Variants in MADD observed in about 807,000 individuals in gnomAD.
MADD encodes MAP kinase activating death domain.
MADD carries 109 observed loss-of-function variants against 176.7 expected under a neutral mutation model. The observed-to-expected ratio is 0.62, with a 90% CI of 0.53 to 0.72. The LOEUF (loss-of-function observed/expected upper bound fraction) is 0.72. MADD is among the 30% of genes least tolerant of loss of function. The pLI, the probability that MADD is intolerant of heterozygous loss-of-function variation, is 0.00. For missense variants in MADD, 1,914 were observed against 2,045.5 expected (o/e 0.94, Z 1.24); for synonymous variants, 771 against 771.3 (o/e 1.00, Z 0.01).
chr11:47,315,148 A>T, intron 26 of MADD, 72 bp from the exon 30 acceptor site: 2 of 842,078 alleles, frequency 2.4e-6, no homozygotes, highest in East Asian at 2.5e-5. Context: ...TGATTGCTGG[A>T]TGGGGAATTC....
At chr11:47,304,321 C>T (rs573218937) in intron 22 of MADD, among the ~76,000 whole-genome samples, 2 of 151,608 alleles carry the variant, frequency 1.3e-5, no homozygotes, top group South Asian at 2.1e-4. Context: ...ACCTCTGACT[C>T]GTGGGTTAAA....
intron 22 of MADD, among the ~76,000 whole-genome samples, chr11:47,305,771 A>G (rs928932978): frequency 6.6e-6 from 1 of 152,162 alleles, no homozygotes; most frequent in African/African-American, 2.4e-5. Flanking sequence ...CTCTAGGGGC[A>G]AGTCCAGTTC....
At chr11:47,314,683 T>C (rs2092110671) in intron 26 of MADD, among the ~76,000 whole-genome samples, 1 of 152,184 alleles carries the variant, frequency 6.6e-6, no homozygotes, top group Admixed American at 6.5e-5. Flanking sequence ...CTGAAAAGGC[T>C]ATGAAAATCC....
intron 26 of MADD, among the ~76,000 whole-genome samples, chr11:47,312,109 G>A (rs1286521655): frequency 6.6e-6 from 1 of 152,168 alleles, no homozygotes; most frequent in Admixed American, 6.5e-5. Context: ...TTTTCACGGG[G>A]TTACATTTGC....
At chr11:47,316,659 G>T (rs2093114668) in intron 27 of MADD, among the ~76,000 whole-genome samples, 1 of 152,170 alleles carries the variant, frequency 6.6e-6, no homozygotes, top group Admixed American at 6.5e-5. Flanking sequence ...AAAGTGCTGA[G>T]ATCATAGGCG....
At chr11:47,317,402 T>C (rs914025743) in intron 27 of MADD, among the ~76,000 whole-genome samples, 8 of 152,220 alleles carry the variant, frequency 5.3e-5, no homozygotes, top group Non-Finnish European at 1.0e-4. Context: ...CTTAAGTGTC[T>C]CATAACACGT....
chr11:47,313,632 C>G (rs2091328636), intron 26 of MADD, among the ~76,000 whole-genome samples: 1 of 151,948 alleles, frequency 6.6e-6, no homozygotes, highest in African/African-American at 2.4e-5. Context: ...TTTCTAAATA[C>G]CAATGTATGA....
intron 25 of MADD, among the ~76,000 whole-genome samples, chr11:47,310,820 T>C (rs112333805): frequency 0.013 from 2,006 of 151,404 alleles, 55 homozygotes; most frequent in African/African-American, 0.046. Flanking sequence ...GACAGGAGAA[T>C]TGCTTGAACC....
intron 22 of MADD, among the ~76,000 whole-genome samples, chr11:47,297,450 CTTT>C (rs550191201): frequency 7.1e-6 from 1 of 141,156 alleles, no homozygotes; most frequent in Non-Finnish European, 1.6e-5. Context: ...CTTTTCTTTT[CTTT>C]TTTTTTTTTT....
chr11:47,290,158 C>A, exon 18 of MADD: 1 of 1,614,078 alleles, frequency 6.2e-7, no homozygotes, highest in South Asian at 1.1e-5. Flanking sequence ...GGAGATCAGT[C>A]GGAAGGTGTA....
At chr11:47,305,627 C>G in intron 22 of MADD, among the ~76,000 whole-genome samples, 1 of 151,956 alleles carries the variant, frequency 6.6e-6, no homozygotes, top group South Asian at 2.1e-4. Context: ...GTATCCTAGA[C>G]TCTGTGAAGC....
At chr11:47,272,090 G>T (rs1347242689) in intron 1 of MADD, 1 of 152,252 alleles carries the variant, frequency 6.6e-6, no homozygotes, top group East Asian at 1.9e-4. Context: ...TTCTTAGCAG[G>T]TACTGTCAGT....
At position 47,290,067 on chromosome 11, in the gene MADD, G is replaced by C; in HGVS notation, c.2943+14G>C. 1 of 1,613,260 alleles carries C rather than the reference G, an allele frequency of 6.2e-7. No homozygotes were observed. The highest frequency in any genetic ancestry group is 2.2e-5 in the East Asian group (1 of 44,858). On this transcript the variant is annotated intron_variant, in intron 17 of 32. Transcript: ENST00000402192. ...ATCCCGGATGTGGTCAGTGTTGGGG[G>C]TAGGGAATCGGAGTAACTGGAGAGA...
chr11:47,287,889 C>G (rs2061944923), intron 15 of MADD, among the ~76,000 whole-genome samples: 1 of 147,184 alleles, frequency 6.8e-6, no homozygotes, highest in Admixed American at 6.9e-5. Flanking sequence ...CTCCCGGGTT[C>G]ACACCATTCT....
intron 22 of MADD, among the ~76,000 whole-genome samples, chr11:47,296,764 G>GT (rs753454831): frequency 0.29 from 33,791 of 116,846 alleles, 6,077 homozygotes; most frequent in East Asian, 0.59. Flanking sequence ...GTTTTTTGTT[G>GT]TTTTTTTTTT....
At position 47,313,752 on chromosome 11, in the gene MADD, T is replaced by G. The variant is rs1032354214; in HGVS notation, c.4090-1468T>G. Among the ~76,000 whole-genome samples, 5 of 151,910 alleles carry G rather than the reference T, an allele frequency of 3.3e-5. 1 individual carries two copies. The highest frequency in any genetic ancestry group is 2.0e-4 in the Admixed American group (3 of 15,254). The stretch of plus-strand genomic sequence containing the variant: ...TCAGTCTGGGGAACATAGACCCCAT[T>G]TCTTTTTGTTTGTTTGTTTGTTTTT... On this transcript the variant is annotated intron_variant, in intron 26 of 32. Transcript: ENST00000402192.
chr11:47,297,601 C>G (rs1014535696), intron 22 of MADD, among the ~76,000 whole-genome samples: 5 of 151,468 alleles, frequency 3.3e-5, no homozygotes, highest in African/African-American at 1.2e-4. Flanking sequence ...TGCCCGCCAC[C>G]ACGCCCAGCT....
intron 15 of MADD, 84 bp from the exon 17 acceptor site, chr11:47,289,306 TG>T: frequency 8.7e-7 from 1 of 1,152,990 alleles, no homozygotes; most frequent in Non-Finnish European, 1.3e-6. Flanking sequence ...GGAACGGGCA[TG>T]GAACATGGCT....
At chr11:47,304,238 T>C (rs952657180) in intron 22 of MADD, among the ~76,000 whole-genome samples, 5 of 151,802 alleles carry the variant, frequency 3.3e-5, no homozygotes, top group Non-Finnish European at 5.9e-5. Flanking sequence ...TTTTCCTTTT[T>C]TTTTTTTTTG....
Sources: gnomAD v4.1 joint callset for allele counts (sites outside exome capture counted in the v4.1 genomes callset) on GRCh38, gnomAD v4.1.1 for gene constraint, MANE v1.5 for transcripts, NCBI Gene and HGNC (gene_info 2026-07-23, HGNC 2026-07-21) for gene names.